The following LCP1 variants were observed in gnomAD, a reference collection of about 807,000 sequenced individuals.
LCP1 encodes the protein lymphocyte cytosolic protein 1.
In LCP1, 23 loss-of-function variants were observed where a neutral mutation model predicts 72.0. That is an observed-to-expected ratio of 0.32 (90% CI 0.23 to 0.45). LCP1 has a LOEUF of 0.45. Ranked by LOEUF, LCP1 falls within the 20% of genes least tolerant of loss-of-function variation. The pLI is 1.00. For synonymous variants in LCP1, 245 were observed against 275.4 expected, an observed-to-expected ratio of 0.89 and a Z score of 1.09; for missense variants, 571 against 748.3, an observed-to-expected ratio of 0.76 and a Z score of 2.76.
intron 13 of LCP1, among the ~76,000 whole-genome samples, chr13:46,138,342 G>A (rs564124055): frequency 5.3e-5 from 8 of 152,126 alleles, no homozygotes; most frequent in African/African-American, 1.7e-4. Flanking sequence ...TTAATATATA[G>A]CATGCAGGGA....
At chr13:46,178,706 T>C (rs146925056) in intron 1 of LCP1, among the ~76,000 whole-genome samples, 8 of 152,304 alleles carry the variant, frequency 5.3e-5, no homozygotes, top group African/African-American at 1.7e-4. Context: ...ATCATTTCAT[T>C]TGATATCTGT....
intron 1 of LCP1, among the ~76,000 whole-genome samples, chr13:46,180,769 A>G: frequency 6.6e-6 from 1 of 152,270 alleles, no homozygotes; most frequent in East Asian, 1.9e-4. Flanking sequence ...AAATATAAGA[A>G]AAATACTGAC....
chr13:46,134,207 C>T lies in LCP1; in HGVS notation c.1546G>A (p.Val516Ile). Reference protein sequence around the residue: ...ILEEIGGGQKVNDDIIVNWVN... With the variant: ...ILEEIGGGQKINDDIIVNWVN... Reference sequence around the variant, plus strand: ...CAGTTGACAATAATGTCATCATTGACCTTCTGGCCACCACCAATTTCTTCG... The same window carrying T: ...CAGTTGACAATAATGTCATCATTGATCTTCTGGCCACCACCAATTTCTTCG... The change falls in exon 14 of 16, where the codon GTC becomes ATC. Residue 516 changes from valine (V) to isoleucine (I), a missense_variant. Coordinates refer to ENST00000323076, the MANE Select transcript of LCP1 (RefSeq NM_002298.5). 6.2e-7 allele frequency: 1 copy of T among 1,613,390 alleles called. No homozygotes were observed. The highest frequency in any genetic ancestry group is 1.7e-4 in the Middle Eastern group (1 of 6,058).
intron 1 of LCP1, among the ~76,000 whole-genome samples, chr13:46,163,022 C>T (rs1190797007): frequency 2.0e-5 from 3 of 146,448 alleles, no homozygotes; most frequent in African/African-American, 7.4e-5. Context: ...TGGGGGGCAG[C>T]CCCCGCCCGG....
chr13:46,141,442 A>G (rs1056220951), intron 13 of LCP1, among the ~76,000 whole-genome samples: 2 of 150,940 alleles, frequency 1.3e-5, no homozygotes, highest in Admixed American at 6.6e-5. Context: ...AACAATGTAC[A>G]TCATAATAAA....
chr13:46,176,190 G>C (rs1157514134), intron 1 of LCP1, among the ~76,000 whole-genome samples: 1 of 152,166 alleles, frequency 6.6e-6, no homozygotes, highest in Non-Finnish European at 1.5e-5. Context: ...AAAATGGCTA[G>C]AAGAGAGGCG....
At chr13:46,134,515 C>T (rs988147630) in intron 13 of LCP1, among the ~76,000 whole-genome samples, 23 of 151,122 alleles carry the variant, frequency 1.5e-4, no homozygotes, top group African/African-American at 5.6e-4. Flanking sequence ...AAAGAAAAAG[C>T]CAAAGGGAAA....
At chr13:46,142,072 A>G (rs2045701794) in intron 13 of LCP1, among the ~76,000 whole-genome samples, 1 of 152,188 alleles carries the variant, frequency 6.6e-6, no homozygotes, top group South Asian at 2.1e-4. Context: ...ACAACAATCT[A>G]AACTGTTTAT....
intron 1 of LCP1, among the ~76,000 whole-genome samples, chr13:46,180,141 G>C (rs1410276133): frequency 1.3e-5 from 2 of 152,076 alleles, no homozygotes; most frequent in African/African-American, 4.8e-5. Flanking sequence ...CAGTCAGTAG[G>C]AGCCTGAAAT....
At chr13:46,167,983 T>G (rs971988284) in intron 1 of LCP1, among the ~76,000 whole-genome samples, 3 of 151,844 alleles carry the variant, frequency 2.0e-5, no homozygotes, top group African/African-American at 7.3e-5. Flanking sequence ...ACTAGATAAG[T>G]GTAAGAAATT....
intron 4 of LCP1, among the ~76,000 whole-genome samples, chr13:46,157,741 C>CTTTTTTTT (rs548259648): frequency 6.0e-5 from 6 of 99,814 alleles, no homozygotes; most frequent in African/African-American, 8.2e-5. Flanking sequence ...CATGACTTAT[C>CTTTTTTTT]TTTTTTTTTT....
chr13:46,130,702 G>A (rs1360076543), intron 15 of LCP1, 112 bp downstream of exon 15: 17 of 1,294,794 alleles, frequency 1.3e-5, no homozygotes, highest in African/African-American at 3.1e-5. Context: ...GGAAAAGCAC[G>A]GATAGTGAAA....
At chr13:46,131,875 G>T (rs2045636137) in intron 14 of LCP1, among the ~76,000 whole-genome samples, 1 of 152,114 alleles carries the variant, frequency 6.6e-6, no homozygotes, top group African/African-American at 2.4e-5. Context: ...GTGGAAGTGG[G>T]TTAAAGGTGA....
intron 11 of LCP1, among the ~76,000 whole-genome samples, chr13:46,144,023 G>A (rs530388892): frequency 6.6e-5 from 10 of 151,836 alleles, no homozygotes; most frequent in Non-Finnish European, 1.3e-4. Context: ...CCGAGATTGC[G>A]CCACCGCACT....
chr13:46,131,097 G>A (rs1014616778), intron 14 of LCP1, among the ~76,000 whole-genome samples, 159 bp from the exon 15 acceptor site: 1 of 152,172 alleles, frequency 6.6e-6, no homozygotes, highest in African/African-American at 2.4e-5. Context: ...ATAAACTGTA[G>A]TTTCTGTAGG....
chr13:46,149,518 C>A (rs960707436), intron 8 of LCP1, among the ~76,000 whole-genome samples: 1 of 152,186 alleles, frequency 6.6e-6, no homozygotes, highest in Non-Finnish European at 1.5e-5. Flanking sequence ...TCTCATGAAC[C>A]TTCTCACTCA....
At chr13:46,142,179 G>A (rs1371562601) in intron 13 of LCP1, 113 bp downstream of exon 13, 2 of 1,089,838 alleles carry the variant, frequency 1.8e-6, no homozygotes, top group Non-Finnish European at 2.6e-6. Context: ...TGGTTATGAA[G>A]CTTAGCTTAA....
At chr13:46,169,072 C>T (rs576962502) in intron 1 of LCP1, among the ~76,000 whole-genome samples, 1 of 152,288 alleles carries the variant, frequency 6.6e-6, no homozygotes, top group East Asian at 1.9e-4. Context: ...TGAAATGACA[C>T]CCAAGTTAAA....
intron 4 of LCP1, among the ~76,000 whole-genome samples, chr13:46,157,784 G>C (rs1339628786): frequency 1.0e-5 from 1 of 98,332 alleles, no homozygotes; most frequent in African/African-American, 4.1e-5. Context: ...GTCTTGTTCT[G>C]TCGCCAGGCT....
Sources: gnomAD v4.1 joint callset for allele counts (sites outside exome capture counted in the v4.1 genomes callset) on GRCh38, gnomAD v4.1.1 for gene constraint, MANE v1.5 for transcripts, NCBI Gene and HGNC (gene_info 2026-07-23, HGNC 2026-07-21) for gene names.